Variants in EPHB1 observed in about 807,000 individuals in gnomAD.
The protein encoded by EPHB1 is ephrin type-B receptor 1.
In EPHB1, 30 loss-of-function variants were observed where a neutral mutation model predicts 94.4. The ratio of observed to expected loss-of-function variants is 0.32; its 90% CI spans 0.24 to 0.43. The LOEUF (loss-of-function observed/expected upper bound fraction) is 0.43, where lower values mean the gene tolerates loss of function less well. Ranked by LOEUF, EPHB1 falls within the 20% of genes least tolerant of loss-of-function variation. The pLI is 1.00. For synonymous variants in EPHB1, 522 were observed against 489.1 expected, an observed-to-expected ratio of 1.07 and a Z score of -0.89; for missense variants, 1,055 against 1,308.3, an observed-to-expected ratio of 0.81 and a Z score of 2.99.
intron 1 of EPHB1, among the ~76,000 whole-genome samples, chr3:134,864,010 T>C (rs2037320272): frequency 1.3e-5 from 2 of 152,202 alleles, no homozygotes; most frequent in Non-Finnish European, 1.5e-5. Context: ...TACCCGCTGG[T>C]GTCAGGATGA....
At chr3:135,072,582 C>A (rs1166959139) in intron 3 of EPHB1, among the ~76,000 whole-genome samples, 2 of 152,194 alleles carry the variant, frequency 1.3e-5, no homozygotes, top group African/African-American at 4.8e-5. Flanking sequence ...TCCCCACCAC[C>A]AGCCTCACTC....
rs749315141 is a variant in EPHB1 at position 134,879,161 on chromosome 3, C to T, written c.59-46655C>T. On this transcript the variant is annotated intron_variant, in intron 1 of 15. Transcript: ENST00000398015. ...TTTTGCAGGAGGCGTGACTAAGGCT[C>T]ATACATGGAGTGGCATATCCAAGGT... Among the ~76,000 whole-genome samples the T allele has an allele frequency of 5.2e-4, 79 of 152,288 alleles. 1 individual carries two copies. The highest frequency in any genetic ancestry group is 2.4e-3 in the Admixed American group (36 of 15,304).
intron 12 of EPHB1, among the ~76,000 whole-genome samples, chr3:135,237,253 A>G (rs540074871): frequency 3.3e-5 from 5 of 150,992 alleles, no homozygotes; most frequent in African/African-American, 1.2e-4. Context: ...GCTGCCAGAT[A>G]TCTTCTCGTA....
chr3:134,878,945 T>C (rs191498966), intron 1 of EPHB1, among the ~76,000 whole-genome samples: 1 of 152,294 alleles, frequency 6.6e-6, no homozygotes, highest in Admixed American at 6.5e-5. Context: ...GGATAATAAG[T>C]GTTTGAGAGG....
At chr3:135,130,701 G>A (rs1458488356) in intron 4 of EPHB1, among the ~76,000 whole-genome samples, 2 of 152,284 alleles carry the variant, frequency 1.3e-5, no homozygotes, top group East Asian at 3.9e-4. Flanking sequence ...CTTGGTCAGT[G>A]CCTGCCTCTG....
chr3:134,928,037 G>A (rs773933594), intron 2 of EPHB1, among the ~76,000 whole-genome samples: 24 of 152,202 alleles, frequency 1.6e-4, no homozygotes, highest in Admixed American at 1.3e-4. Context: ...TGACTCCCAA[G>A]TTAGTATATC....
intron 1 of EPHB1, among the ~76,000 whole-genome samples, chr3:134,881,816 T>A (rs1235620014): frequency 6.6e-6 from 1 of 152,230 alleles, no homozygotes; most frequent in Non-Finnish European, 1.5e-5. Flanking sequence ...TAAAAAGAAC[T>A]TGGCTTGGCA....
intron 3 of EPHB1, among the ~76,000 whole-genome samples, chr3:135,020,519 C>A (rs187968596): frequency 1.3e-5 from 2 of 152,238 alleles, no homozygotes; most frequent in Non-Finnish European, 2.9e-5. Flanking sequence ...TAAATGGAAT[C>A]ATGCGCTATA....
intron 1 of EPHB1, among the ~76,000 whole-genome samples, chr3:134,831,418 C>T (rs192893983): frequency 1.3e-5 from 2 of 152,336 alleles, no homozygotes; most frequent in African/African-American, 2.4e-5. Flanking sequence ...GCCTTTCACA[C>T]TTTCTCATCC....
chr3:134,944,865 C>A (rs1440109647), intron 2 of EPHB1, among the ~76,000 whole-genome samples: 3 of 152,202 alleles, frequency 2.0e-5, no homozygotes, highest in African/African-American at 7.2e-5. Context: ...AGAAGTTGTA[C>A]AAATTTCCTT....
chr3:135,017,864 G>T (rs1435707828), intron 3 of EPHB1, among the ~76,000 whole-genome samples: 1 of 152,184 alleles, frequency 6.6e-6, no homozygotes, highest in East Asian at 1.9e-4. Context: ...AACTGCTGTG[G>T]TTGCTCAGTC....
At chr3:135,133,131 C>A in intron 5 of EPHB1, 82 bp downstream of exon 5, 1 of 1,340,462 alleles carries the variant, frequency 7.5e-7, no homozygotes, top group Non-Finnish European at 1.0e-6. Context: ...TGCAGCCACA[C>A]CCATCCTGCC....
chr3:134,902,640 A>T (rs1252502738), intron 1 of EPHB1, among the ~76,000 whole-genome samples: 3 of 152,248 alleles, frequency 2.0e-5, no homozygotes, highest in East Asian at 1.9e-4. Flanking sequence ...GGTAAGGTTC[A>T]TCATTAATGA....
At chr3:135,066,948 T>C (rs1453961285) in intron 3 of EPHB1, among the ~76,000 whole-genome samples, 3 of 152,176 alleles carry the variant, frequency 2.0e-5, no homozygotes, top group African/African-American at 7.2e-5. Context: ...GCTGCAGTGA[T>C]TGTTACCTCT....
At chr3:134,815,924 A>G (rs2036259923) in intron 1 of EPHB1, among the ~76,000 whole-genome samples, 1 of 152,082 alleles carries the variant, frequency 6.6e-6, no homozygotes, top group African/African-American at 2.4e-5. Context: ...TGCCATATTT[A>G]TTTATCAGCA....
intron 1 of EPHB1, among the ~76,000 whole-genome samples, chr3:134,856,707 C>T (rs369630907): frequency 6.6e-6 from 1 of 152,170 alleles, no homozygotes; most frequent in Non-Finnish European, 1.5e-5. Flanking sequence ...ATGAAAAAAA[C>T]AAGAAATGTC....
intron 3 of EPHB1, among the ~76,000 whole-genome samples, chr3:135,061,244 G>A (rs965235540): frequency 3.9e-5 from 6 of 151,978 alleles, no homozygotes; most frequent in African/African-American, 9.7e-5. Context: ...CAGTATACAC[G>A]GCATCCTATT....
At chr3:134,926,023 C>A in intron 2 of EPHB1, 143 bp downstream of exon 2, 2 of 659,894 alleles carry the variant, frequency 3.0e-6, no homozygotes, top group Non-Finnish European at 4.9e-6. Flanking sequence ...CCCATCCATG[C>A]AAAGACAGCA....
chr3:135,170,517 A>C (rs1483412101), intron 9 of EPHB1, among the ~76,000 whole-genome samples: 1 of 151,678 alleles, frequency 6.6e-6, no homozygotes, highest in Non-Finnish European at 1.5e-5. Flanking sequence ...GAGGGTGGGG[A>C]TGTGGCTTTC....
Sources: allele counts gnomAD v4.1 joint callset (sites outside exome capture counted in the v4.1 genomes callset), GRCh38; gene constraint gnomAD v4.1.1; transcripts MANE v1.5; gene names NCBI Gene and HGNC (gene_info 2026-07-23, HGNC 2026-07-21).